Variants in OR10G7 observed in about 807,000 individuals in gnomAD.
OR10G7 encodes the protein olfactory receptor family 10 subfamily G member 7.
For synonymous variants in OR10G7, 165 were observed against 167.4 expected (o/e 0.99, Z 0.11); for missense variants, 338 against 382.1 (o/e 0.88, Z 0.96).
chr11:124,038,543 C>G lies in OR10G7; in HGVS notation c.459G>C (p.Leu153=). Residue 153 remains leucine (L), a synonymous_variant, in exon 2 of 2, where the codon CTG becomes CTC. Coordinates refer to ENST00000641585, the MANE Select transcript of OR10G7 (RefSeq NM_001004463.2). ...LATGTWLSGS[L]HSAVQTILTF... ...TCAATATGGTCTGGACAGCAGAGTG[C>G]AGAGAGCCACTGAGCCAAGTGCCGG... 2 of 1,613,832 alleles carry G rather than the reference C, an allele frequency of 1.2e-6. No individual in the cohort carries two copies. Among genetic ancestry groups the G allele is most frequent in the Non-Finnish European group, 8.5e-7 (1 of 1,179,872 alleles).
chr11:124,040,158 A>G (rs573727220), intron 1 of OR10G7, among the ~76,000 whole-genome samples: 1 of 152,256 alleles, frequency 6.6e-6, no homozygotes, highest in Non-Finnish European at 1.5e-5. Flanking sequence ...CTCTTTCTAA[A>G]GTATGATCAA....
chr11:124,038,132 T>C lies in OR10G7; in HGVS notation c.870A>G (p.Arg290=), dbSNP rs143478590. Residue 290 remains arginine, a synonymous_variant, in exon 2 of 2, where the codon AGA becomes AGG. Coordinates refer to ENST00000641585, the MANE Select transcript of OR10G7 (RefSeq NM_001004463.2). ...PLFNPVVYTL[R]NKEVKKALLK... is the part of the protein sequence containing the mutation. ...ACAGAGCTTTCTTTACCTCCTTGTT[T>C]CTCAGGGTGTACACAACAGGGTTGA... 5.6e-5 allele frequency: 91 copies of C among 1,613,962 alleles called. No homozygotes were observed. Among genetic ancestry groups the C allele is most frequent in the Middle Eastern group, 3.3e-4 (2 of 6,084 alleles).
At position 124,038,962 on chromosome 11, in the gene OR10G7, C is replaced by G; in HGVS notation, c.40G>C (p.Gly14Arg). 1 of 1,613,342 alleles carries G rather than the reference C, an allele frequency of 6.2e-7. No homozygotes were observed. The highest frequency in any genetic ancestry group is 1.1e-5 in the South Asian group (1 of 91,024). ...ATLLTAFILT[G>R]LPHAPGLDAP... ...TCCAGCCCTGGGGCATGGGGAAGGC[C>G]CGTGAGGATGAACGCTGTCAGTAGG... The change falls in exon 2 of 2, where the codon GGC becomes CGC. Residue 14 changes from glycine to arginine, a missense_variant. Coordinates refer to ENST00000641585, the MANE Select transcript of OR10G7 (RefSeq NM_001004463.2).
Position 124,037,938 on chromosome 11 carries a change from A to C in OR10G7, c.*128T>G, listed in dbSNP as rs542840355. The C allele has an allele frequency of 8.7e-4, 556 of 642,612 alleles. 1 individual carries two copies. Among genetic ancestry groups the C allele is most frequent in the Non-Finnish European group, 1.2e-3 (464 of 403,098 alleles). 39.8% of individuals were successfully genotyped at this position (642,612 alleles called of 1,614,324 possible). A position where few individuals can be genotyped will look rare whatever the true frequency, so the allele number is the denominator to read the frequency against. ...CTCTGCAGAAAAAAATGAAAAATTA[A>C]TTAACTGTCCAATTAAAAATTAAGA... On this transcript the variant is annotated 3_prime_UTR_variant, in exon 2 of 2. Transcript: ENST00000641585.
At position 124,038,509 on chromosome 11, in the gene OR10G7, A is replaced by T. The variant is rs958915387; in HGVS notation, c.493T>A (p.Leu165Met). ...ATCTGGTTGGGTCCACAGTAGGGCAAATGGAAAGTCAATATGGTCTGGACA... is the reference window on the plus strand; with the variant it reads ...ATCTGGTTGGGTCCACAGTAGGGCATATGGAAAGTCAATATGGTCTGGACA... ...SAVQTILTFH[L>M]PYCGPNQIQH... The change falls in exon 2 of 2, where the codon TTG becomes ATG. Residue 165 changes from leucine to methionine, a missense_variant. Transcript: ENST00000641585. The T allele has an allele frequency of 6.2e-6, 10 of 1,613,696 alleles. No individual in the cohort carries two copies. The highest frequency in any genetic ancestry group is 8.5e-6 in the Non-Finnish European group (10 of 1,179,868).
chr11:124,038,091 C>T lies in OR10G7; in HGVS notation c.911G>A (p.Gly304Glu). Residue 304 changes from glycine (G) to glutamate (E), a missense_variant, in exon 2 of 2, where the codon GGG (glycine) becomes GAG (glutamate). By Grantham distance (98) the Gly-to-Glu change is moderately conservative. Coordinates refer to ENST00000641585, the MANE Select transcript of OR10G7 (RefSeq NM_001004463.2). ...VKKALLKLKNGSVFAQGE is the reference protein window; with the variant it reads ...VKKALLKLKNESVFAQGE ...CTATTCACCCTGAGCAAATACTGAC[C>T]CATTTTTCAGCTTCAACAGAGCTTT... 6.2e-7 allele frequency: 1 copy of T among 1,612,276 alleles called. No homozygotes were observed.
Position 124,036,307 on chromosome 11 carries a change from A to G in OR10G7, c.*1759T>C, listed in dbSNP as rs1864191322. The G allele has an allele frequency of 6.6e-6, 1 of 152,228 alleles. No individual in the cohort carries two copies. Among genetic ancestry groups the G allele is most frequent in the Non-Finnish European group, 1.5e-5 (1 of 68,032 alleles). The allele number at this position is 152,228 out of a possible 1,614,324, so 9.4% of individuals were successfully genotyped here. ...TATGTTTATCAATAATTTACTTTCA[A>G]AATGGTTGTGTGTGATACATATTGC... On this transcript the variant is annotated 3_prime_UTR_variant, in exon 2 of 2. Transcript: ENST00000641585.
rs140667003 is a variant in OR10G7 at position 124,038,325 on chromosome 11, C to T, written c.677G>A (p.Arg226Gln). The change falls in exon 2 of 2, where the codon CGG (arginine) becomes CAG (glutamine). Residue 226 changes from arginine (R) to glutamine (Q), a missense_variant. Coordinates refer to ENST00000641585, the MANE Select transcript of OR10G7 (RefSeq NM_001004463.2). The stretch of plus-strand genomic sequence containing the variant: ...GTGCCTCCCCTCTGAGGTGCGGATC[C>T]GCAGGATGGAACAGACGATGGACAC... Reference protein sequence around the residue: ...SYVSIVCSILRIRTSEGRHRA... With the variant: ...SYVSIVCSILQIRTSEGRHRA... The T allele has an allele frequency of 1.7e-4, 276 of 1,614,070 alleles. 5 individuals carry two copies. The African/African-American group carries it at 3.2e-3, about 19-fold the overall frequency.
intron 1 of OR10G7, among the ~76,000 whole-genome samples, chr11:124,039,439 A>AACAC (rs147148370): frequency 6.6e-6 from 1 of 151,466 alleles, no homozygotes; most frequent in Non-Finnish European, 1.5e-5. Flanking sequence ...TCTCTGTGTC[A>AACAC]ACACACACAC....
Position 124,036,702 on chromosome 11 carries a change from ATCTGGTTTC to A in OR10G7, c.*1355_*1363del, listed in dbSNP as rs1172997108. Reference sequence around the variant, plus strand: ...TGAATTATATAATTGGTCCATAGCAATCTGGTTTCTTGGTGTGAAAACCAAAAATTTACC... The same window carrying A: ...TGAATTATATAATTGGTCCATAGCAATTGGTGTGAAAACCAAAAATTTACC... On this transcript the variant is annotated 3_prime_UTR_variant, in exon 2 of 2. Transcript: ENST00000641585. 5.3e-5 allele frequency: 8 copies of A among 152,226 alleles called. 1 individual carries two copies. In the East Asian group the frequency reaches 7.7e-4, roughly 15 times the overall value. 9.4% of individuals were successfully genotyped at this position (152,226 alleles called of 1,614,324 possible).
chr11:124,040,306 C>T (rs895989257), intron 1 of OR10G7, among the ~76,000 whole-genome samples: 1 of 151,766 alleles, frequency 6.6e-6, no homozygotes, highest in Non-Finnish European at 1.5e-5. Context: ...AATACAAATG[C>T]CCTTCTAAAA....
chr11:124,036,699 G>A lies in OR10G7; in HGVS notation c.*1367C>T, dbSNP rs1395349655. On this transcript the variant is annotated 3_prime_UTR_variant, in exon 2 of 2. Transcript: ENST00000641585. ...AGCTGAATTATATAATTGGTCCATA[G>A]CAATCTGGTTTCTTGGTGTGAAAAC... The A allele has an allele frequency of 6.6e-6, 1 of 152,130 alleles. No homozygotes were observed. Among genetic ancestry groups the A allele is most frequent in the Non-Finnish European group, 1.5e-5 (1 of 68,022 alleles). 9.4% of individuals were successfully genotyped at this position (152,130 alleles called of 1,614,324 possible).
chr11:124,038,848 G>T lies in OR10G7; in HGVS notation c.154C>A (p.His52Asn), dbSNP rs1448431965. The T allele has an allele frequency of 6.2e-7, 1 of 1,613,740 alleles. No individual in the cohort carries two copies. Among genetic ancestry groups the T allele is most frequent in the South Asian group, 1.1e-5 (1 of 91,078 alleles). Reference protein sequence around the residue: ...LILLVIRVDSHLHTPMYYFLT... With the variant: ...LILLVIRVDSNLHTPMYYFLT... ...AAGTAGTACATGGGGGTGTGGAGGT[G>T]AGAATCCACCCTGATCACCAGCAGG... is the stretch of plus-strand genomic sequence containing the variant. The change falls in exon 2 of 2, where the codon CAC (histidine) becomes AAC (asparagine). Residue 52 changes from histidine to asparagine, a missense_variant. Transcript: ENST00000641585.
chr11:124,037,133 T>C lies in OR10G7; in HGVS notation c.*933A>G, dbSNP rs1453007438. 6.6e-6 allele frequency: 1 copy of C among 152,214 alleles called. No individual in the cohort carries two copies. The highest frequency in any genetic ancestry group is 2.4e-5 in the African/African-American group (1 of 41,462). The allele number at this position is 152,214 out of a possible 1,614,324, so 9.4% of individuals were successfully genotyped here. A position where few individuals can be genotyped will look rare whatever the true frequency, so the allele number is the denominator to read the frequency against. ...TAAGGTTCATGGTCTGAGCCTTACC[T>C]ACCCAGAGAGTGTACAGAGTCCATT... On this transcript the variant is annotated 3_prime_UTR_variant, in exon 2 of 2. Transcript: ENST00000641585.
chr11:124,038,679 C>A lies in OR10G7; in HGVS notation c.323G>T (p.Ser108Ile). 6.2e-7 allele frequency: 1 copy of A among 1,613,976 alleles called. No homozygotes were observed. The highest frequency in any genetic ancestry group is 8.5e-7 in the Non-Finnish European group (1 of 1,180,020). ...AQLYFFHFLG[S>I]TECFLYTVMS... is the part of the protein sequence containing the mutation. ...GACTGTGTAGAGGAAACACTCGGTG[C>A]TCCCCAGGAAGTGGAAAAAATAGAG... The change falls in exon 2 of 2, where the codon AGC (serine) becomes ATC (isoleucine). Residue 108 changes from serine to isoleucine, a missense_variant. Coordinates refer to ENST00000641585, the MANE Select transcript of OR10G7 (RefSeq NM_001004463.2).
Position 124,039,005 on chromosome 11 carries a change from T to G in OR10G7, c.-4A>C, listed in dbSNP as rs1424255527. On this transcript the variant is annotated 5_prime_UTR_variant, in exon 2 of 2. Transcript: ENST00000641585. ...TCAGTAGGGTGGCGTTGGACATTTC[T>G]TCTCATATATGGGGCTCTGTTCTTA... 1.2e-6 allele frequency: 2 copies of G among 1,612,370 alleles called. No individual in the cohort carries two copies. The highest frequency in any genetic ancestry group is 4.5e-5 in the East Asian group (2 of 44,856).
Position 124,037,451 on chromosome 11 carries a change from C to T in OR10G7, c.*615G>A, listed in dbSNP as rs1864200882. The stretch of plus-strand genomic sequence containing the variant: ...AGATAGTTGTCATCAGAGACCAATA[C>T]AATGTGTACAGTGTATACAGTGCAT... On this transcript the variant is annotated 3_prime_UTR_variant, in exon 2 of 2. Transcript: ENST00000641585. 6.6e-6 allele frequency: 1 copy of T among 152,000 alleles called. No homozygotes were observed. The highest frequency in any genetic ancestry group is 6.5e-5 in the Admixed American group (1 of 15,276). The allele number at this position is 152,000 out of a possible 1,614,324, so 9.4% of individuals were successfully genotyped here.
In OR10G7 at chr11:124,041,025, T is replaced by G. The variant is rs958636173; in HGVS notation, c.-160A>C. The G allele has an allele frequency of 6.6e-6, 1 of 152,150 alleles. No individual in the cohort carries two copies. Among genetic ancestry groups the G allele is most frequent in the Non-Finnish European group, 1.5e-5 (1 of 68,032 alleles). The allele number at this position is 152,150 out of a possible 1,614,324, so 9.4% of individuals were successfully genotyped here. A position where few individuals can be genotyped will look rare whatever the true frequency, so the allele number is the denominator to read the frequency against. On this transcript the variant is annotated 5_prime_UTR_variant, in exon 1 of 2. Transcript: ENST00000641585. Reference sequence around the variant, plus strand: ...AACTCTTTTTAAATAGAACTTAATATGAATTTGATGTCTTAGGAGACACTC... The same window carrying G: ...AACTCTTTTTAAATAGAACTTAATAGGAATTTGATGTCTTAGGAGACACTC...
rs1180095838 is a variant in OR10G7 at position 124,038,917 on chromosome 11, A to G, written c.85T>C (p.Phe29Leu). Reference protein sequence around the residue: ...PGLDAPLFGIFLVVYVLTVLG... With the variant: ...PGLDAPLFGILLVVYVLTVLG... The stretch of plus-strand genomic sequence containing the variant: ...ACAGTGAGCACGTAAACCACCAGGA[A>G]GATTCCAAAGAGGGGGGCGTCCAGC... The change falls in exon 2 of 2, where the codon TTC (phenylalanine) becomes CTC (leucine). Residue 29 changes from phenylalanine (F) to leucine (L), a missense_variant. Coordinates refer to ENST00000641585, the MANE Select transcript of OR10G7 (RefSeq NM_001004463.2). 1.2e-6 allele frequency: 2 copies of G among 1,608,742 alleles called. No individual in the cohort carries two copies. Among genetic ancestry groups the G allele is most frequent in the East Asian group, 4.5e-5 (2 of 44,868 alleles).
Sources: allele counts gnomAD v4.1 joint callset (sites outside exome capture counted in the v4.1 genomes callset), GRCh38; gene constraint gnomAD v4.1.1; transcripts MANE v1.5; gene names NCBI Gene and HGNC (gene_info 2026-07-23, HGNC 2026-07-21).